The following NXPE4 variants were observed in gnomAD, a reference collection of about 807,000 sequenced individuals.
The protein encoded by NXPE4 is neurexophilin and PC-esterase domain family member 4.
In NXPE4, 42 loss-of-function variants were observed where a neutral mutation model predicts 33.3. That is an observed-to-expected ratio of 1.26 (90% CI 0.98 to 1.63). The LOEUF is 1.63. Among genes scored for constraint, NXPE4 ranks in the 40% most tolerant of loss-of-function variants. The pLI is 0.00. For missense variants in NXPE4, 709 were observed against 647.6 expected (o/e 1.09, Z -1.03); for synonymous variants, 253 against 234.9 (o/e 1.08, Z -0.71).
chr11:114,658,348 G>C, the NXPE4 span, among the ~76,000 whole-genome samples: 2 of 152,180 alleles, frequency 1.3e-5, no homozygotes, highest in African/African-American at 4.8e-5. Flanking sequence ...GCTAGTATGA[G>C]AGTATAGAAT....
At chr11:114,601,644 TA>T in the NXPE4 span, among the ~76,000 whole-genome samples, 1 of 76,300 alleles carries the variant, frequency 1.3e-5, no homozygotes, top group Non-Finnish European at 2.3e-5. Flanking sequence ...TAATTATATA[TA>T]ATTATATATT....
At chr11:114,663,679 T>C in the NXPE4 span, among the ~76,000 whole-genome samples, 9 of 13,886 alleles carry the variant, frequency 6.5e-4, no homozygotes, top group Non-Finnish European at 4.4e-4. Context: ...TCTATCTATT[T>C]ATCTATCTAT....
chr11:114,589,141 AG>A (rs893959957), intron 2 of NXPE4, among the ~76,000 whole-genome samples: 2 of 152,106 alleles, frequency 1.3e-5, no homozygotes, highest in Non-Finnish European at 2.9e-5. Flanking sequence ...GGAAGCAAGA[AG>A]AAGCCACCTC....
rs534489080 is a variant in NXPE4, at chr11:114,573,708, T to A, written c.1100-2235A>T. ...TGCATCTAACACTGGAGCTCCCAAA[T>A]TTACAAAACATTACTAATAGACCAA... is the stretch of plus-strand genomic sequence containing the variant. On this transcript the variant is annotated intron_variant, in intron 5 of 5. Transcript: ENST00000375478. 1.7e-3 allele frequency among the ~76,000 whole-genome samples: 259 copies of A among 152,034 alleles called. 2 individuals are homozygous for A. Among genetic ancestry groups the A allele is most frequent in the African/African-American group, 5.8e-3 (239 of 41,494 alleles).
the NXPE4 span, among the ~76,000 whole-genome samples, chr11:114,607,944 A>G: frequency 1.3e-5 from 2 of 151,870 alleles, no homozygotes; most frequent in African/African-American, 2.4e-5. Flanking sequence ...ATGTCTAACC[A>G]CTGTTACCCA....
At chr11:114,575,731 C>T (rs534986686) in intron 5 of NXPE4, among the ~76,000 whole-genome samples, 1 of 152,282 alleles carries the variant, frequency 6.6e-6, no homozygotes, top group East Asian at 1.9e-4. Flanking sequence ...ACATCACATG[C>T]TCATGGATGG....
chr11:114,641,170 T>C, the NXPE4 span, among the ~76,000 whole-genome samples: 1 of 151,904 alleles, frequency 6.6e-6, no homozygotes, highest in Non-Finnish European at 1.5e-5. Flanking sequence ...AAGATTAGGC[T>C]GAAGAACTCT....
chr11:114,571,074 T>A lies in NXPE4; in HGVS notation c.1499A>T (p.Lys500Met). ...CACACTGAGATCCTGGAAAATGTCC[T>A]TTATGATGAGATATTGAATGTAACC... Reference protein sequence around the residue: ...FHGYIQYLIIKDIFQDLSVSI... With the variant: ...FHGYIQYLIIMDIFQDLSVSI... The change falls in exon 6 of 6, where the codon AAG becomes ATG. Residue 500 changes from lysine to methionine, a missense_variant. Lys to Met is a moderately conservative substitution (Grantham distance 95). Transcript: ENST00000375478. 1 of 1,614,030 alleles carries A rather than the reference T, an allele frequency of 6.2e-7. No homozygotes were observed. The highest frequency in any genetic ancestry group is 8.5e-7 in the Non-Finnish European group (1 of 1,179,910).
chr11:114,583,613 G>A, intron 2 of NXPE4: 1 of 594,380 alleles, frequency 1.7e-6, no homozygotes, highest in South Asian at 1.4e-5. Flanking sequence ...TGTGGCAAGT[G>A]CTGTGAAACT....
the NXPE4 span, among the ~76,000 whole-genome samples, chr11:114,671,716 AG>A: frequency 6.6e-6 from 1 of 152,054 alleles, no homozygotes; most frequent in South Asian, 2.1e-4. Flanking sequence ...AAAAGTGAAG[AG>A]GAAAAAGAGA....
the NXPE4 span, among the ~76,000 whole-genome samples, chr11:114,623,081 G>A: frequency 6.6e-6 from 1 of 152,100 alleles, no homozygotes; most frequent in South Asian, 2.1e-4. Context: ...ACTGTTATCT[G>A]GTGGATAATT....
the NXPE4 span, among the ~76,000 whole-genome samples, chr11:114,642,245 A>G: frequency 6.6e-6 from 1 of 152,014 alleles, no homozygotes; most frequent in Non-Finnish European, 1.5e-5. Context: ...TCTAACAATG[A>G]GAAAAACACC....
At chr11:114,669,155 C>G in the NXPE4 span, among the ~76,000 whole-genome samples, 4 of 152,064 alleles carry the variant, frequency 2.6e-5, no homozygotes, top group Admixed American at 6.6e-5. Flanking sequence ...TGGACCCTCT[C>G]CCCAGTGGAA....
chr11:114,627,241 A>G, the NXPE4 span, among the ~76,000 whole-genome samples: 1 of 152,108 alleles, frequency 6.6e-6, no homozygotes, highest in East Asian at 1.9e-4. Flanking sequence ...GTTGAAATGA[A>G]GGAAAAAATG....
chr11:114,580,452 G>A (rs1949114958), intron 4 of NXPE4, 114 bp from the exon 5 acceptor site: 1 of 793,402 alleles, frequency 1.3e-6, no homozygotes, highest in Non-Finnish European at 2.0e-6. Flanking sequence ...GGTGGTAATG[G>A]TGGAAAAAGT....
At chr11:114,633,234 G>T in the NXPE4 span, among the ~76,000 whole-genome samples, 2 of 130,444 alleles carry the variant, frequency 1.5e-5, no homozygotes, top group Admixed American at 8.4e-5. Context: ...ATAAATATAT[G>T]TAACATATAA....
At chr11:114,667,025 T>C in the NXPE4 span, among the ~76,000 whole-genome samples, 160 of 152,228 alleles carry the variant, frequency 1.1e-3, no homozygotes, top group African/African-American at 3.8e-3. Flanking sequence ...GTCCTCACTT[T>C]TAAAGTATGT....
chr11:114,675,112 A>T, the NXPE4 span, among the ~76,000 whole-genome samples: 20 of 151,762 alleles, frequency 1.3e-4, no homozygotes, highest in African/African-American at 3.6e-4. Flanking sequence ...TTTCATGAGA[A>T]AAAAACTCTA....
chr11:114,602,279 T>C, the NXPE4 span, among the ~76,000 whole-genome samples: 1 of 118,196 alleles, frequency 8.5e-6, no homozygotes, highest in African/African-American at 3.4e-5. Context: ...TATTATACTA[T>C]ATATATGTTA....
Sources: gnomAD v4.1 joint callset for allele counts (sites outside exome capture counted in the v4.1 genomes callset) on GRCh38, gnomAD v4.1.1 for gene constraint, MANE v1.5 for transcripts, NCBI Gene and HGNC (gene_info 2026-07-23, HGNC 2026-07-21) for gene names.